Variants in RFT1 observed in about 807,000 individuals in gnomAD.
RFT1 encodes the protein RFT1 glycolipid translocator homolog, also known as man(5)GlcNAc(2)-PP-dolichol translocation protein RFT1.
RFT1 carries 43 observed loss-of-function variants against 62.2 expected under a neutral mutation model. The observed-to-expected ratio is 0.69, with a 90% CI of 0.54 to 0.89. The LOEUF (loss-of-function observed/expected upper bound fraction) is 0.89, where lower values mean the gene tolerates loss of function less well. Among genes scored for constraint, RFT1 ranks in the 40% least tolerant of loss-of-function variants. The probability of loss-of-function intolerance (pLI) is 0.00; values close to 1 mark genes in which losing one functional copy is unlikely to be tolerated. For missense variants in RFT1, 605 were observed against 649.9 expected, an observed-to-expected ratio of 0.93 and a Z score of 0.75; for synonymous variants, 262 against 264.6, an observed-to-expected ratio of 0.99 and a Z score of 0.10.
intron 10 of RFT1, among the ~76,000 whole-genome samples, chr3:53,099,822 T>TC (rs1658377693): frequency 1.3e-5 from 2 of 152,120 alleles, no homozygotes; most frequent in Admixed American, 1.3e-4. Flanking sequence ...ACCCCGTGTC[T>TC]ACCAAAAATA....
chr3:53,072,891 C>T, the RFT1 span, among the ~76,000 whole-genome samples: 1 of 152,252 alleles, frequency 6.6e-6, no homozygotes, highest in African/African-American at 2.4e-5. Flanking sequence ...CCGCCCGCGA[C>T]CTCAGAGGAG....
At position 53,091,933 on chromosome 3, in the gene RFT1, A is replaced by T. The variant is rs1701000881; in HGVS notation, c.1596T>A (p.Gly532=). 1 of 1,614,252 alleles carries T rather than the reference A, an allele frequency of 6.2e-7. No homozygotes were observed. The highest frequency in any genetic ancestry group is 1.3e-5 in the African/African-American group (1 of 75,072). Residue 532 remains glycine, a synonymous_variant, in exon 13 of 13, where the codon GGT becomes GGA. Transcript: ENST00000296292. ...KLIHFLRTQL[G]VPRRTDKMT The stretch of plus-strand genomic sequence containing the variant: ...TCATTTTGTCAGTGCGTCTGGGCAC[A>T]CCTAACTGAGTCCTGAGGAAATGGA...
chr3:53,107,290 C>T (rs71301815), intron 7 of RFT1, among the ~76,000 whole-genome samples: 11,476 of 151,924 alleles, frequency 0.076, 531 homozygotes, highest in East Asian at 0.12. Flanking sequence ...CGCCCGCCAC[C>T]GCACCCGGCT....
At chr3:53,113,642 A>T (rs1008836048) in intron 6 of RFT1, among the ~76,000 whole-genome samples, 7 of 152,270 alleles carry the variant, frequency 4.6e-5, no homozygotes, top group Admixed American at 2.0e-4. Flanking sequence ...AATTAATTTT[A>T]ATATATTTTA....
rs7645611 is a variant in RFT1, at chr3:53,091,281, G to C, written c.*622C>G. 24,269 of 160,176 alleles carry C rather than the reference G, an allele frequency of 0.15. 2,581 individuals are homozygous for C. The highest frequency in any genetic ancestry group is 0.31 in the African/African-American group (12,792 of 41,492). 9.9% of individuals were successfully genotyped at this position (160,176 alleles called of 1,614,324 possible). A position where few individuals can be genotyped will look rare whatever the true frequency, so the allele number is the denominator to read the frequency against. On this transcript the variant is annotated 3_prime_UTR_variant, in exon 13 of 13. Transcript: ENST00000296292. ...GCGGGGAACAGTGTGATCACGACAG[G>C]CAAGATTCTCCCGAACTCACTCTGG...
rs1701925451 is a variant in RFT1 at position 53,120,039 on chromosome 3, CTG to C, written c.559-20_559-19del. The stretch of plus-strand genomic sequence containing the variant: ...TAGAAAAGCTGAGAAAAAAAATAAA[CTG>C]TTTTAATAAAGGCATAATTAAGATA... On this transcript the variant is annotated intron_variant, in intron 5 of 12. Coordinates refer to ENST00000296292, the MANE Select transcript of RFT1 (RefSeq NM_052859.4). The C allele has an allele frequency of 6.3e-7, 1 of 1,585,416 alleles. No individual in the cohort carries two copies. The highest frequency in any genetic ancestry group is 8.6e-7 in the Non-Finnish European group (1 of 1,169,190).
At position 53,091,744 on chromosome 3, in the gene RFT1, A is replaced by C. The variant is rs753091164; in HGVS notation, c.*159T>G. ...CCCGCATTTCAGACTTCGAATGGTC[A>C]CAGGTGTCTCATGCAGTGGCACTCT... On this transcript the variant is annotated 3_prime_UTR_variant, in exon 13 of 13. Coordinates refer to ENST00000296292, the MANE Select transcript of RFT1 (RefSeq NM_052859.4). 4.0e-6 allele frequency: 3 copies of C among 756,684 alleles called. No homozygotes were observed. The highest frequency in any genetic ancestry group is 7.0e-6 in the Non-Finnish European group (3 of 428,486). 46.9% of individuals were successfully genotyped at this position (756,684 alleles called of 1,614,324 possible). A position where few individuals can be genotyped will look rare whatever the true frequency, so the allele number is the denominator to read the frequency against.
intron 9 of RFT1, among the ~76,000 whole-genome samples, chr3:53,104,468 A>G (rs1004781192): frequency 1.3e-5 from 2 of 152,022 alleles, no homozygotes; most frequent in Non-Finnish European, 2.9e-5. Flanking sequence ...GCCTCAAGCA[A>G]TCCTCCTGCC....
chr3:53,070,393 G>GT, the RFT1 span, among the ~76,000 whole-genome samples: 1,056 of 85,450 alleles, frequency 0.012, 140 homozygotes, highest in South Asian at 0.11. Context: ...CTGTATTATG[G>GT]TTTTTTTTTT....
the RFT1 span, among the ~76,000 whole-genome samples, chr3:53,076,298 A>G: frequency 2.0e-5 from 3 of 152,144 alleles, no homozygotes; most frequent in Non-Finnish European, 4.4e-5. Flanking sequence ...GCAGGGGCAA[A>G]CGGATAGGTT....
At chr3:53,127,557 T>C (rs9873111) in intron 1 of RFT1, among the ~76,000 whole-genome samples, 149,702 of 152,118 alleles carry the variant, frequency 0.98, 73,721 homozygotes, top group Middle Eastern at 1. Context: ...AAAAATTAGC[T>C]GGGTGTGGTG....
intron 10 of RFT1, among the ~76,000 whole-genome samples, chr3:53,102,174 A>C (rs1042611479): frequency 6.6e-6 from 1 of 152,248 alleles, no homozygotes; most frequent in Non-Finnish European, 1.5e-5. Context: ...CTGCAGCTGC[A>C]AGTCAAGGAA....
Position 53,122,417 on chromosome 3 carries a change from G to A in RFT1, c.413C>T (p.Pro138Leu), listed in dbSNP as rs1173009308. The change falls in exon 4 of 13, where the codon CCC becomes CTC. Residue 138 changes from proline (P) to leucine (L), a missense_variant. Transcript: ENST00000296292. ...LSAVVELLGE[P>L]FWVLAQAHMF... ...ATGTGCTTGTGCCAAGACCCAAAAG[G>A]GCTCTCCTAGAAGCTCCACCACTGC... is the stretch of plus-strand genomic sequence containing the variant. The A allele has an allele frequency of 6.2e-7, 1 of 1,613,838 alleles. No individual in the cohort carries two copies. Among genetic ancestry groups the A allele is most frequent in the Admixed American group, 1.7e-5 (1 of 59,982 alleles).
At chr3:53,118,096 T>C (rs1701859811) in intron 6 of RFT1, among the ~76,000 whole-genome samples, 1 of 152,182 alleles carries the variant, frequency 6.6e-6, no homozygotes. Context: ...TCTTGCCATG[T>C]CACTCAAGCT....
At position 53,119,956 on chromosome 3, in the gene RFT1, T is replaced by C; in HGVS notation, c.624A>G (p.Pro208=). The change falls in exon 6 of 13, where the codon CCA becomes CCG. Residue 208 remains proline, a synonymous_variant. Coordinates refer to ENST00000296292, the MANE Select transcript of RFT1 (RefSeq NM_052859.4). ...VIYFTKLLGS[P]ESTKLQTLPV... ...GAAGAGTTTGAAGCTTGGTTGATTC[T>C]GGGGAACCCAGTAACTTTGTGAAAT... is the stretch of plus-strand genomic sequence containing the variant. 1 of 1,612,788 alleles carries C rather than the reference T, an allele frequency of 6.2e-7. No homozygotes were observed.
the RFT1 span, among the ~76,000 whole-genome samples, chr3:53,071,411 G>A: frequency 2.0e-5 from 3 of 152,178 alleles, no homozygotes; most frequent in African/African-American, 7.2e-5. Context: ...TTAGCTGGAG[G>A]ACAGGACTCT....
chr3:53,106,750 G>T, intron 8 of RFT1, 69 bp downstream of exon 8: 1 of 1,147,002 alleles, frequency 8.7e-7, no homozygotes, highest in Non-Finnish European at 1.3e-6. Flanking sequence ...ATATATCAGA[G>T]AAAAATATTA....
intron 9 of RFT1, 141 bp from the exon 10 acceptor site, chr3:53,104,238 T>A (rs1560333): frequency 2.0e-5 from 17 of 832,698 alleles, no homozygotes; most frequent in East Asian, 8.0e-5. Flanking sequence ...TTTTTTGTAG[T>A]GTGTTTGTTT....
At chr3:53,119,845 T>C (rs748421865) in intron 6 of RFT1, 39 bp downstream of exon 6, 3 of 1,546,848 alleles carry the variant, frequency 1.9e-6, no homozygotes, top group South Asian at 2.3e-5. Context: ...AAGCAGCACC[T>C]ATGATTAAAA....
Sources: allele counts gnomAD v4.1 joint callset (sites outside exome capture counted in the v4.1 genomes callset), GRCh38; gene constraint gnomAD v4.1.1; transcripts MANE v1.5; gene names NCBI Gene and HGNC (gene_info 2026-07-23, HGNC 2026-07-21).